Variants in ZNF398 observed in about 807,000 individuals in gnomAD.
The protein encoded by ZNF398 is zinc finger protein 398.
ZNF398 carries 18 observed loss-of-function variants against 41.9 expected under a neutral mutation model. The observed-to-expected ratio is 0.43, with a 90% CI of 0.30 to 0.64. The LOEUF (loss-of-function observed/expected upper bound fraction) is 0.64. ZNF398 is among the 30% of genes least tolerant of loss of function. The pLI is 0.14. For missense variants in ZNF398, 669 were observed against 822.8 expected (o/e 0.81, Z 2.29); for synonymous variants, 260 against 308.8 (o/e 0.84, Z 1.66).
At chr7:149,175,087 C>G (rs773257483) in intron 4 of ZNF398, among the ~76,000 whole-genome samples, 4 of 152,154 alleles carry the variant, frequency 2.6e-5, no homozygotes, top group African/African-American at 7.2e-5. Flanking sequence ...CCAAATCGCT[C>G]CCCATAACCG....
intron 2 of ZNF398, among the ~76,000 whole-genome samples, chr7:149,158,788 C>A (rs1170249062): frequency 6.9e-6 from 1 of 145,570 alleles, no homozygotes; most frequent in East Asian, 2.1e-4. Flanking sequence ...GAGCCGAGAT[C>A]ATGCCATTGC....
chr7:149,174,416 C>T (rs966230204), intron 4 of ZNF398, among the ~76,000 whole-genome samples: 1 of 152,058 alleles, frequency 6.6e-6, no homozygotes, highest in Non-Finnish European at 1.5e-5. Context: ...TCTTGAACTC[C>T]TGACCTCGTG....
intron 2 of ZNF398, 107 bp downstream of exon 2, chr7:149,154,447 A>C: frequency 1.6e-6 from 2 of 1,259,498 alleles, no homozygotes; most frequent in South Asian, 3.3e-5. Flanking sequence ...AAAGTTTCTT[A>C]AAATATCTCA....
intron 2 of ZNF398, among the ~76,000 whole-genome samples, chr7:149,158,298 C>T (rs1045819275): frequency 6.6e-6 from 1 of 152,008 alleles, no homozygotes; most frequent in Non-Finnish European, 1.5e-5. Flanking sequence ...GTGGCTTTTA[C>T]AATAATTGCT....
At chr7:149,173,564 G>A (rs1795396063) in intron 4 of ZNF398, among the ~76,000 whole-genome samples, 2 of 152,162 alleles carry the variant, frequency 1.3e-5, no homozygotes, top group South Asian at 4.1e-4. Context: ...TTACAGGGAT[G>A]AAAACAACAC....
At chr7:149,130,732 GA>G (rs900188170) in intron 2 of ZNF398, among the ~76,000 whole-genome samples, 140 of 152,288 alleles carry the variant, frequency 9.2e-4, no homozygotes, top group African/African-American at 3.2e-3. Context: ...TTGTGGCTCA[GA>G]AAGCCAATCA....
At chr7:149,144,130 C>T (rs899119176), upstream of ZNF398, among the ~76,000 whole-genome samples, 3 of 152,120 alleles carry the variant, frequency 2.0e-5, no homozygotes, top group African/African-American at 7.2e-5. Flanking sequence ...TATTCCTATT[C>T]AAGGAAGGAA....
chr7:149,178,732 C>T lies in ZNF398; in HGVS notation c.860C>T (p.Ala287Val), dbSNP rs1466953367. 6.8e-6 allele frequency: 11 copies of T among 1,614,118 alleles called. No individual in the cohort carries two copies. Among genetic ancestry groups the T allele is most frequent in the East Asian group, 2.2e-5 (1 of 44,904 alleles). Reference sequence around the variant, plus strand: ...CCAGTCCCTTTCTCTTCTCCACCAGCAGCAGCAAAGGATGCTTTTTCAGAT... The same window carrying T: ...CCAGTCCCTTTCTCTTCTCCACCAGTAGCAGCAAAGGATGCTTTTTCAGAT... ...EVPVPFSSPP[A>V]AAKDAFSDVA... is the part of the protein sequence containing the mutation. Residue 287 changes from alanine (A) to valine (V), a missense_variant, in exon 6 of 6, where the codon GCA becomes GTA. Around this residue, in one of 3 missense-constraint regions of ZNF398, gnomAD observed 290 missense variants for 292.9 expected, o/e 0.99. Transcript: ENST00000475153.
chr7:149,141,452 T>C (rs1031560840), intron 2 of ZNF398, among the ~76,000 whole-genome samples: 3 of 131,540 alleles, frequency 2.3e-5, no homozygotes, highest in Admixed American at 1.6e-4. Context: ...CTTTTCTTTT[T>C]TTTCTTTTTT....
At chr7:149,152,921 A>G (rs1794883869) in intron 1 of ZNF398, among the ~76,000 whole-genome samples, 1 of 147,730 alleles carries the variant, frequency 6.8e-6, no homozygotes, top group Non-Finnish European at 1.5e-5. Flanking sequence ...GTGCAGTGGC[A>G]TAATCTTGGC....
chr7:149,157,427 C>G (rs1408741504), intron 2 of ZNF398, among the ~76,000 whole-genome samples: 1 of 148,816 alleles, frequency 6.7e-6, no homozygotes, highest in Non-Finnish European at 1.5e-5. Flanking sequence ...CCCAGCTACT[C>G]GGGAGGCTGA....
At chr7:149,137,281 C>T (rs1826735231) in intron 2 of ZNF398, among the ~76,000 whole-genome samples, 1 of 152,182 alleles carries the variant, frequency 6.6e-6, no homozygotes, top group Non-Finnish European at 1.5e-5. Flanking sequence ...ATATGACATG[C>T]TCATGATTAC....
chr7:149,132,107 A>G (rs1366618750), intron 2 of ZNF398, among the ~76,000 whole-genome samples: 2 of 152,080 alleles, frequency 1.3e-5, no homozygotes, highest in Non-Finnish European at 1.5e-5. Flanking sequence ...CAAAAGGTCT[A>G]CTTATTTATA....
Position 149,133,678 on chromosome 7 carries a change from T to TACACAC in ZNF398, c.-490+4737_-490+4738insCACACA, listed in dbSNP as rs374864305. 1.6e-3 allele frequency among the ~76,000 whole-genome samples: 105 copies of TACACAC among 66,932 alleles called. 2 individuals carry two copies. The highest frequency in any genetic ancestry group is 5.6e-3 in the African/African-American group (92 of 16,370). The allele number at this position is 66,932 out of a possible 152,430, so 43.9% of individuals were successfully genotyped here. A position where few individuals can be genotyped will look rare whatever the true frequency, so the allele number is the denominator to read the frequency against. The stretch of plus-strand genomic sequence containing the variant: ...AAATATATATATATATATATATATA[T>TACACAC]ACATATATATGTGTGTATATATATA... On this transcript the variant is annotated intron_variant, in intron 2 of 6. Transcript: ENST00000426851.
chr7:149,130,864 G>T (rs116210881), intron 2 of ZNF398, among the ~76,000 whole-genome samples: 115 of 152,324 alleles, frequency 7.5e-4, no homozygotes, highest in African/African-American at 2.5e-3. Flanking sequence ...AAAATGAGCG[G>T]CTTCTATTGC....
chr7:149,132,473 C>T (rs924196091), intron 2 of ZNF398, among the ~76,000 whole-genome samples: 11 of 152,196 alleles, frequency 7.2e-5, no homozygotes, highest in East Asian at 1.9e-4. Flanking sequence ...GGAATACAGG[C>T]ATTAGCCACC....
In ZNF398 at chr7:149,169,578, A is replaced by G. The variant is rs139526324; in HGVS notation, c.661+2648A>G. On this transcript the variant is annotated intron_variant, in intron 4 of 5. Coordinates refer to ENST00000475153, the MANE Select transcript of ZNF398 (RefSeq NM_170686.3). ...GCCATCCTCCCATCGCAGCCTCCCA[A>G]GTAGCTGGGACTACAGGCACACACC... is the stretch of plus-strand genomic sequence containing the variant. Among the ~76,000 whole-genome samples the G allele has an allele frequency of 7.9e-5, 12 of 152,084 alleles. No homozygotes were observed. The East Asian group carries it at 2.3e-3, about 29-fold the overall frequency.
Position 149,181,248 on chromosome 7 carries a change from G to A in ZNF398, c.*1447G>A, listed in dbSNP as rs1195288042. ...TGTCTCTGTCTTTGGCTTCTGTCCA[G>A]GCAAAGCTAAATAAGACAGCAAAGT... On this transcript the variant is annotated 3_prime_UTR_variant, in exon 6 of 6. Transcript: ENST00000475153. 1 of 152,502 alleles carries A rather than the reference G, an allele frequency of 6.6e-6. No individual in the cohort carries two copies. The highest frequency in any genetic ancestry group is 1.5e-5 in the Non-Finnish European group (1 of 68,038). 9.4% of individuals were successfully genotyped at this position (152,502 alleles called of 1,614,324 possible).
At chr7:149,173,041 T>C (rs1795380376) in intron 4 of ZNF398, among the ~76,000 whole-genome samples, 1 of 151,702 alleles carries the variant, frequency 6.6e-6, no homozygotes. Flanking sequence ...TGATGGCTGC[T>C]GACTAATCCG....
Sources: allele counts gnomAD v4.1 joint callset (sites outside exome capture counted in the v4.1 genomes callset), GRCh38; gene constraint gnomAD v4.1.1; regional missense constraint gnomAD v4.1.1; transcripts MANE v1.5; gene names NCBI Gene and HGNC (gene_info 2026-07-23, HGNC 2026-07-21).